The following RTL9 variants were observed in gnomAD, a reference collection of about 807,000 sequenced individuals.
The protein encoded by RTL9 is retrotransposon Gag-like protein 9.
RTL9 carries 19 observed loss-of-function variants against 44.7 expected under a neutral mutation model. That is an observed-to-expected ratio of 0.42 (90% CI 0.30 to 0.62). The LOEUF (loss-of-function observed/expected upper bound fraction) is 0.62, where lower values mean the gene tolerates loss of function less well. RTL9 is among the 20% of genes least tolerant of loss of function. The pLI is 0.16. For missense variants in RTL9, 1,105 were observed against 1,080.6 expected (o/e 1.02, Z -0.32); for synonymous variants, 407 against 398.9 (o/e 1.02, Z -0.24).
At chrX:110,371,852 G>C (rs911708061) in intron 1 of RTL9, among the ~76,000 whole-genome samples, 34 of 110,739 alleles carry the variant, frequency 3.1e-4, no homozygotes, top group Non-Finnish European at 4.9e-4. Context: ...GTGCTCCCTG[G>C]GGTGCTTCAC....
intron 1 of RTL9, among the ~76,000 whole-genome samples, chrX:110,427,962 C>G (rs2068766482): frequency 8.9e-6 from 1 of 111,782 alleles, no homozygotes; most frequent in Non-Finnish European, 1.9e-5. Flanking sequence ...CTCTAAGGAA[C>G]AGTTTTCCCC....
chrX:110,366,123 T>C (rs1344269471), intron 1 of RTL9, among the ~76,000 whole-genome samples: 1 of 111,737 alleles, frequency 8.9e-6, no homozygotes, highest in Non-Finnish European at 1.9e-5. Flanking sequence ...GCTATGACTC[T>C]GGCCCAACAA....
chrX:110,405,824 C>G (rs1299375151), intron 1 of RTL9, among the ~76,000 whole-genome samples: 1 of 111,840 alleles, frequency 8.9e-6, no homozygotes, highest in Non-Finnish European at 1.9e-5. Flanking sequence ...CGCAGATCCA[C>G]CTGACACCAA....
rs139188597 is a variant in RTL9, at chrX:110,431,837, A to C, written c.-168+12702A>C. On this transcript the variant is annotated intron_variant, in intron 1 of 3. Transcript: ENST00000465301. ...CACATTAGGTTTGAGGAGCAGGGGA[A>C]ACATTCAGGCAGCTGGCAAGGTCTG... 3.2e-3 allele frequency among the ~76,000 whole-genome samples: 362 copies of C among 112,025 alleles called. 5 individuals are homozygous for C. The highest frequency in any genetic ancestry group is 0.011 in the African/African-American group (346 of 30,814).
At chrX:110,454,779 A>G in intron 1 of RTL9, 115 bp downstream of exon 3, 1 of 639,606 alleles carries the variant, frequency 1.6e-6, no homozygotes, top group Admixed American at 3.9e-5. Context: ...GGAGGCATGG[A>G]GCTCCTAGAC....
intron 1 of RTL9, among the ~76,000 whole-genome samples, chrX:110,405,611 A>G (rs2068595776): frequency 8.9e-6 from 1 of 111,949 alleles, no homozygotes; most frequent in Admixed American, 9.4e-5. Flanking sequence ...AATTATAATA[A>G]GCTGCTTTTT....
At chrX:110,385,730 G>T (rs2068450409) in intron 1 of RTL9, among the ~76,000 whole-genome samples, 1 of 111,615 alleles carries the variant, frequency 9.0e-6, no homozygotes, top group South Asian at 3.7e-4. Context: ...TGGGTATATT[G>T]CATGATGCTG....
intron 1 of RTL9, among the ~76,000 whole-genome samples, chrX:110,442,465 G>C (rs755332763): frequency 9.0e-6 from 1 of 111,627 alleles, no homozygotes; most frequent in African/African-American, 3.3e-5. Flanking sequence ...AGATGTGAAA[G>C]TGCTTTGGAA....
At chrX:110,448,100 T>G (rs1201251750), upstream of RTL9, among the ~76,000 whole-genome samples, 1 of 112,171 alleles carries the variant, frequency 8.9e-6, no homozygotes, top group Non-Finnish European at 1.9e-5. Flanking sequence ...CCTAGCCCTA[T>G]GGCAGGGATA....
At chrX:110,365,135 G>A (rs755489193) in intron 1 of RTL9, among the ~76,000 whole-genome samples, 1 of 111,867 alleles carries the variant, frequency 8.9e-6, no homozygotes, top group Non-Finnish European at 1.9e-5. Flanking sequence ...TCAGATTGTG[G>A]TCAGTTTGTG....
chrX:110,454,369 A>G (rs2068967732), exon 1 of RTL9: 1 of 1,210,911 alleles, frequency 8.3e-7, no homozygotes, highest in Non-Finnish European at 1.1e-6. Flanking sequence ...TCAGTCAGGC[A>G]GTATGCCACT....
intron 1 of RTL9, among the ~76,000 whole-genome samples, chrX:110,427,965 T>A (rs1469461496): frequency 1.8e-5 from 2 of 111,651 alleles, no homozygotes; most frequent in Non-Finnish European, 3.8e-5. Flanking sequence ...TAAGGAACAG[T>A]TTTCCCCGCC....
chrX:110,391,115 C>A (rs1433935686), intron 1 of RTL9, among the ~76,000 whole-genome samples: 1 of 111,797 alleles, frequency 8.9e-6, no homozygotes, highest in East Asian at 2.8e-4. Flanking sequence ...AAAAGGCATA[C>A]TGACAGCTCT....
At chrX:110,431,356 C>G (rs1325600156) in intron 1 of RTL9, among the ~76,000 whole-genome samples, 2 of 83,885 alleles carry the variant, frequency 2.4e-5, no homozygotes, top group Admixed American at 1.2e-4. Flanking sequence ...TGTGTGTGTG[C>G]TGGCTGAGGG....
At chrX:110,413,303 C>T (rs1323117956) in intron 1 of RTL9, among the ~76,000 whole-genome samples, 1 of 111,518 alleles carries the variant, frequency 9.0e-6, no homozygotes, top group African/African-American at 3.3e-5. Context: ...GCGGATCTCA[C>T]GGCTTTGCCA....
chrX:110,449,456 T>C (rs1482957509), upstream of RTL9, among the ~76,000 whole-genome samples: 2 of 112,624 alleles, frequency 1.8e-5, no homozygotes, highest in African/African-American at 6.5e-5. Flanking sequence ...TTTTCTGCTT[T>C]TGGCATGGGC....
chrX:110,378,000 C>T (rs2068390305), intron 1 of RTL9, among the ~76,000 whole-genome samples: 1 of 79,963 alleles, frequency 1.3e-5, no homozygotes, highest in African/African-American at 6.4e-5. Context: ...CAGAGCGAGA[C>T]TCCGTCTCAA....
rs756530452 is a variant in RTL9, at chrX:110,384,649, A to G, written c.-168+25733A>G. 4.8e-4 allele frequency among the ~76,000 whole-genome samples: 53 copies of G among 111,357 alleles called. No individual in the cohort carries two copies. The Admixed American group carries it at 4.8e-3, about 10-fold the overall frequency. ...AAGAATCCAGAGGAAAATGTGAGTC[A>G]TCTCCATTCTGTATCATGGCTCACT... On this transcript the variant is annotated intron_variant, in intron 1 of 2. Coordinates refer to the RTL9 transcript ENST00000520821.
At chrX:110,449,236 G>C (rs140789852), upstream of RTL9, among the ~76,000 whole-genome samples, 1 of 111,922 alleles carries the variant, frequency 8.9e-6, no homozygotes, top group African/African-American at 3.3e-5. Context: ...TCATTTGTAA[G>C]ATAAAGGAAG....
Sources: allele counts gnomAD v4.1 joint callset (sites outside exome capture counted in the v4.1 genomes callset), GRCh38; gene constraint gnomAD v4.1.1; transcripts MANE v1.5; gene names NCBI Gene and HGNC (gene_info 2026-07-23, HGNC 2026-07-21).